Variants in TNR observed in about 807,000 individuals in gnomAD.
The protein encoded by TNR is tenascin-R.
TNR carries 45 observed loss-of-function variants against 150.4 expected under a neutral mutation model. The ratio of observed to expected loss-of-function variants is 0.30; its 90% CI spans 0.24 to 0.38. The LOEUF is 0.38. Among genes scored for constraint, TNR ranks in the 10% least tolerant of loss-of-function variants. TNR has a pLI of 1.00. For synonymous variants in TNR, 687 were observed against 678.4 expected (o/e 1.01, Z -0.20); for missense variants, 1,544 against 1,759.1 (o/e 0.88, Z 2.19).
chr1:175,651,308 C>A (rs903909578), intron 1 of TNR, among the ~76,000 whole-genome samples: 1 of 151,324 alleles, frequency 6.6e-6, no homozygotes, highest in East Asian at 2.0e-4. Context: ...GAGAGCCTGG[C>A]CCAGGCAGAG....
chr1:175,476,867 T>G (rs929904794), intron 2 of TNR, among the ~76,000 whole-genome samples: 3 of 152,188 alleles, frequency 2.0e-5, no homozygotes, highest in African/African-American at 7.2e-5. Flanking sequence ...TCATAACTAT[T>G]GGTCTTTAGA....
chr1:175,691,735 G>A (rs561309537), intron 1 of TNR, among the ~76,000 whole-genome samples: 2 of 152,254 alleles, frequency 1.3e-5, no homozygotes, highest in African/African-American at 2.4e-5. Flanking sequence ...CTGCAGCTGT[G>A]GGGAGTAATC....
intron 1 of TNR, among the ~76,000 whole-genome samples, chr1:175,573,893 A>T (rs1216360772): frequency 6.6e-6 from 1 of 152,244 alleles, no homozygotes; most frequent in Non-Finnish European, 1.5e-5. Context: ...GAGATGCTAG[A>T]AAAGCCCACA....
intron 2 of TNR, among the ~76,000 whole-genome samples, chr1:175,498,772 G>A (rs919012311): frequency 3.3e-5 from 5 of 152,190 alleles, no homozygotes; most frequent in African/African-American, 1.2e-4. Flanking sequence ...CGATATAAAA[G>A]TCATCCCCTG....
chr1:175,647,121 C>T (rs893687054), intron 1 of TNR, among the ~76,000 whole-genome samples: 3 of 152,214 alleles, frequency 2.0e-5, no homozygotes, highest in Non-Finnish European at 2.9e-5. Context: ...CAGGCTCTGC[C>T]TGCAATAATA....
At chr1:175,520,425 C>T (rs1453078030) in intron 2 of TNR, among the ~76,000 whole-genome samples, 1 of 152,232 alleles carries the variant, frequency 6.6e-6, no homozygotes, top group Non-Finnish European at 1.5e-5. Context: ...GCCTAACAAA[C>T]AACTTGCTGT....
At chr1:175,734,966 T>C (rs1346854674) in intron 1 of TNR, among the ~76,000 whole-genome samples, 1 of 152,168 alleles carries the variant, frequency 6.6e-6, no homozygotes, top group Non-Finnish European at 1.5e-5. Context: ...TTTGCTTTTA[T>C]AGTGAGTTTC....
chr1:175,573,160 G>A (rs902416125), intron 1 of TNR, among the ~76,000 whole-genome samples: 1 of 152,188 alleles, frequency 6.6e-6, no homozygotes, highest in Non-Finnish European at 1.5e-5. Context: ...CTGTACTTGT[G>A]TACAAGTGTG....
At chr1:175,439,780 A>G (rs1398762796) in intron 2 of TNR, among the ~76,000 whole-genome samples, 2 of 152,274 alleles carry the variant, frequency 1.3e-5, no homozygotes, top group Non-Finnish European at 2.9e-5. Flanking sequence ...AAAAGTGCTC[A>G]TCATCACTGG....
chr1:175,616,202 G>T (rs1663768174), intron 1 of TNR, among the ~76,000 whole-genome samples: 1 of 152,110 alleles, frequency 6.6e-6, no homozygotes, highest in African/African-American at 2.4e-5. Context: ...GTATTCTCTG[G>T]GGGATGCATT....
chr1:175,682,372 G>C (rs1666059951), intron 1 of TNR, among the ~76,000 whole-genome samples: 1 of 152,200 alleles, frequency 6.6e-6, no homozygotes, highest in African/African-American at 2.4e-5. Flanking sequence ...TCTAGGCAGA[G>C]ACGCCGCTCA....
intron 2 of TNR, among the ~76,000 whole-genome samples, chr1:175,426,959 TA>T (rs1368721279): frequency 7.3e-6 from 1 of 136,588 alleles, no homozygotes; most frequent in Non-Finnish European, 1.5e-5. Flanking sequence ...ATATTATATA[TA>T]AAATATATTA....
intron 1 of TNR, among the ~76,000 whole-genome samples, chr1:175,600,952 C>G (rs912307392): frequency 2.6e-5 from 4 of 152,246 alleles, no homozygotes; most frequent in Non-Finnish European, 5.9e-5. Context: ...TTTCCTCTGA[C>G]AGTTCCTCAT....
intron 2 of TNR, among the ~76,000 whole-genome samples, chr1:175,485,194 C>G (rs1657958653): frequency 6.6e-6 from 1 of 152,158 alleles, no homozygotes; most frequent in Non-Finnish European, 1.5e-5. Flanking sequence ...TTCCCTTCAG[C>G]CCCAGTCTGC....
At chr1:175,431,626 T>C (rs1655263773) in intron 2 of TNR, among the ~76,000 whole-genome samples, 1 of 146,558 alleles carries the variant, frequency 6.8e-6, no homozygotes, top group African/African-American at 2.6e-5. Context: ...AAGCTTCCAC[T>C]GACAATAACT....
In TNR at chr1:175,601,278, C is replaced by T. The variant is rs146531662; in HGVS notation, c.-164-72909G>A. The stretch of plus-strand genomic sequence containing the variant: ...CTTGGCCAGTTCTTACTCAGAGATG[C>T]GGCCCTGAGGCGCTGAAAAAGCCGA... On this transcript the variant is annotated intron_variant, in intron 1 of 22. Coordinates refer to ENST00000367674, the MANE Select transcript of TNR (RefSeq NM_003285.3). Among the ~76,000 whole-genome samples the T allele has an allele frequency of 2.1e-4, 32 of 152,318 alleles. No individual in the cohort carries two copies. In the East Asian group the frequency reaches 4.4e-3, roughly 21 times the overall value.
intron 1 of TNR, among the ~76,000 whole-genome samples, chr1:175,678,723 A>G (rs574018970): frequency 4.6e-5 from 7 of 152,344 alleles, no homozygotes; most frequent in Middle Eastern, 3.4e-3. Context: ...TAAGCAAAAC[A>G]AAGAGCCTAA....
At chr1:175,366,330 A>G (rs2102014616) in intron 10 of TNR, among the ~76,000 whole-genome samples, 192 bp from the exon 11 acceptor site, 1 of 152,374 alleles carries the variant, frequency 6.6e-6, no homozygotes, top group South Asian at 2.1e-4. Flanking sequence ...TGGCAAATAG[A>G]TGAACAATCT....
intron 2 of TNR, among the ~76,000 whole-genome samples, chr1:175,488,022 A>G (rs1001841547): frequency 6.6e-6 from 1 of 152,122 alleles, no homozygotes; most frequent in East Asian, 1.9e-4. Flanking sequence ...GGCATGCATA[A>G]GGGTGGTTCC....
Sources: gnomAD v4.1 joint callset for allele counts (sites outside exome capture counted in the v4.1 genomes callset) on GRCh38, gnomAD v4.1.1 for gene constraint, MANE v1.5 for transcripts, NCBI Gene and HGNC (gene_info 2026-07-23, HGNC 2026-07-21) for gene names.